SNTG1: variants seen among roughly 807,000 people sequenced by gnomAD.
SNTG1 encodes syntrophin gamma 1.
SNTG1 carries 39 observed loss-of-function variants against 74.7 expected under a neutral mutation model. That is an observed-to-expected ratio of 0.52 (90% CI 0.40 to 0.68). SNTG1 has a LOEUF of 0.68. Ranked by LOEUF, SNTG1 falls within the 30% of genes least tolerant of loss-of-function variation. The pLI is 0.00. For missense variants in SNTG1, 685 were observed against 609.5 expected (o/e 1.12, Z -1.30); for synonymous variants, 254 against 217.1 (o/e 1.17, Z -1.49).
Position 50,420,688 on chromosome 8 carries a change from G to A in SNTG1, c.163-17855G>A, listed in dbSNP as rs970806121. The stretch of plus-strand genomic sequence containing the variant: ...AGCCAAAATTTTAACATTGCCTAAT[G>A]TGCTTCTCAATGTATATAGAGAAAA... On this transcript the variant is annotated intron_variant, in intron 4 of 18. Coordinates refer to ENST00000642720, the MANE Select transcript of SNTG1 (RefSeq NM_018967.5). Among the ~76,000 whole-genome samples the A allele has an allele frequency of 6.6e-5, 10 of 152,140 alleles. No individual in the cohort carries two copies. In the East Asian group the frequency reaches 1.9e-3, roughly 29 times the overall value.
intron 8 of SNTG1, among the ~76,000 whole-genome samples, chr8:50,470,810 C>G (rs1327819339): frequency 6.6e-6 from 1 of 152,128 alleles, no homozygotes; most frequent in Admixed American, 6.6e-5. Flanking sequence ...AACAAAGCTT[C>G]CACAGAATAG....
chr8:50,786,340 C>A (rs1165026014), intron 18 of SNTG1, among the ~76,000 whole-genome samples: 1 of 151,852 alleles, frequency 6.6e-6, no homozygotes, highest in Non-Finnish European at 1.5e-5. Flanking sequence ...CTGAAAACTA[C>A]AAAACATGGA....
chr8:50,707,465 T>TA (rs1554617779), intron 16 of SNTG1, among the ~76,000 whole-genome samples: 1 of 152,118 alleles, frequency 6.6e-6, no homozygotes, highest in Non-Finnish European at 1.5e-5. Flanking sequence ...CTGCTTTTTT[T>TA]AAAAAAATGT....
chr8:50,566,259 A>T (rs2094516281), intron 12 of SNTG1, among the ~76,000 whole-genome samples: 1 of 152,008 alleles, frequency 6.6e-6, no homozygotes, highest in African/African-American at 2.4e-5. Flanking sequence ...ATTGACCCAG[A>T]ATCTTTACAG....
At chr8:49,954,337 T>C (rs545197579) in intron 1 of SNTG1, among the ~76,000 whole-genome samples, 2 of 152,330 alleles carry the variant, frequency 1.3e-5, no homozygotes, top group Admixed American at 6.5e-5. Context: ...AGTAACTATG[T>C]ATCAAACATA....
intron 8 of SNTG1, among the ~76,000 whole-genome samples, chr8:50,458,774 T>C (rs2093532185): frequency 2.7e-5 from 1 of 37,734 alleles, no homozygotes. Context: ...TTAATTGGGT[T>C]CACTTCTTAC....
At chr8:50,429,232 G>C (rs1466827233) in intron 4 of SNTG1, among the ~76,000 whole-genome samples, 1 of 151,920 alleles carries the variant, frequency 6.6e-6, no homozygotes, top group Non-Finnish European at 1.5e-5. Context: ...CATATTTCCT[G>C]ATTTCAAAGC....
chr8:50,143,296 A>C (rs2081739266), intron 1 of SNTG1, among the ~76,000 whole-genome samples: 1 of 152,114 alleles, frequency 6.6e-6, no homozygotes, highest in African/African-American at 2.4e-5. Flanking sequence ...TCTAGTTTTC[A>C]AGTTTTGCCT....
At chr8:50,160,020 A>G (rs1325626798) in intron 1 of SNTG1, among the ~76,000 whole-genome samples, 1 of 152,204 alleles carries the variant, frequency 6.6e-6, no homozygotes, top group Non-Finnish European at 1.5e-5. Flanking sequence ...TTAATTCAGA[A>G]CAATAAAACA....
chr8:50,687,003 C>T (rs1311309103), intron 15 of SNTG1, among the ~76,000 whole-genome samples: 8 of 151,092 alleles, frequency 5.3e-5, no homozygotes, highest in East Asian at 1.9e-4. Context: ...GGCGCAGTGG[C>T]GGGCGCCTGT....
At chr8:50,049,936 A>G (rs1479556531) in intron 1 of SNTG1, among the ~76,000 whole-genome samples, 1 of 152,022 alleles carries the variant, frequency 6.6e-6, no homozygotes, top group African/African-American at 2.4e-5. Context: ...TACATGTCAA[A>G]ATTCGTGGAA....
intron 2 of SNTG1, chr8:50,382,305 C>T (rs937576040): frequency 9.2e-5 from 14 of 151,962 alleles, no homozygotes; most frequent in Non-Finnish European, 1.9e-4. Flanking sequence ...TATAGTATAA[C>T]ATAGAAATAT....
intron 4 of SNTG1, among the ~76,000 whole-genome samples, chr8:50,411,639 A>T (rs2092950604): frequency 6.6e-6 from 1 of 152,070 alleles, no homozygotes; most frequent in Non-Finnish European, 1.5e-5. Context: ...GTCTTTTATT[A>T]TTAGAGATTG....
chr8:50,260,360 T>A (rs140951647), intron 2 of SNTG1, among the ~76,000 whole-genome samples: 1 of 152,258 alleles, frequency 6.6e-6, no homozygotes, highest in East Asian at 1.9e-4. Context: ...GAAAAGGATT[T>A]GTTAAGTCAC....
chr8:50,196,776 C>T (rs1373165368), intron 2 of SNTG1, among the ~76,000 whole-genome samples: 4 of 149,528 alleles, frequency 2.7e-5, no homozygotes, highest in Non-Finnish European at 4.4e-5. Context: ...GGCCAACAAG[C>T]TGAAACTCCA....
At position 50,418,701 on chromosome 8, in the gene SNTG1, A is replaced by G. The variant is rs1267621120; in HGVS notation, c.162+16357A>G. On this transcript the variant is annotated intron_variant, in intron 4 of 18. Coordinates refer to ENST00000642720, the MANE Select transcript of SNTG1 (RefSeq NM_018967.5). ...GTTAAACTTCATGTTTAACTAAAAC[A>G]TAAGCTTAAACATGTTAGGCAAACT... Among the ~76,000 whole-genome samples the G allele has an allele frequency of 2.0e-5, 3 of 152,100 alleles. No homozygotes were observed. In the South Asian group the frequency reaches 6.2e-4, roughly 31 times the overall value.
At chr8:50,424,722 T>C (rs1367941978) in intron 4 of SNTG1, among the ~76,000 whole-genome samples, 1 of 152,214 alleles carries the variant, frequency 6.6e-6, no homozygotes, top group South Asian at 2.1e-4. Flanking sequence ...CATTAAAATA[T>C]GTGACTTTGT....
intron 17 of SNTG1, among the ~76,000 whole-genome samples, chr8:50,709,765 A>G (rs2095456489): frequency 6.6e-6 from 1 of 152,190 alleles, no homozygotes; most frequent in Admixed American, 6.5e-5. Context: ...CATGGAAGAC[A>G]TCCTCTTCCC....
At chr8:50,152,541 G>C (rs1381443981) in intron 1 of SNTG1, among the ~76,000 whole-genome samples, 1 of 152,144 alleles carries the variant, frequency 6.6e-6, no homozygotes, top group African/African-American at 2.4e-5. Flanking sequence ...GCAGTGGCTG[G>C]TACCGGTTGT....
Sources: gnomAD v4.1 joint callset for allele counts (sites outside exome capture counted in the v4.1 genomes callset) on GRCh38, gnomAD v4.1.1 for gene constraint, MANE v1.5 for transcripts, NCBI Gene and HGNC (gene_info 2026-07-23, HGNC 2026-07-21) for gene names.